KCNK2: variants seen among roughly 807,000 people sequenced by gnomAD.
The protein encoded by KCNK2 is potassium channel subfamily K member 2.
In KCNK2, 21 loss-of-function variants were observed where a neutral mutation model predicts 40.5. The observed-to-expected ratio is 0.52, with a 90% confidence interval of 0.37 to 0.75. The LOEUF (loss-of-function observed/expected upper bound fraction) is 0.75. KCNK2 is among the 30% of genes least tolerant of loss of function. The pLI is 0.00. For missense variants in KCNK2, 399 were observed against 531.6 expected (o/e 0.75, Z 2.45); for synonymous variants, 191 against 202.2 (o/e 0.94, Z 0.47).
intron 3 of KCNK2, among the ~76,000 whole-genome samples, chr1:215,149,655 G>T (rs896847884): frequency 6.6e-6 from 1 of 152,264 alleles, no homozygotes; most frequent in Admixed American, 6.5e-5. Flanking sequence ...TATTTTTAAA[G>T]GAAGCATGCT....
chr1:215,156,787 G>C (rs529224599), intron 3 of KCNK2, among the ~76,000 whole-genome samples: 11 of 152,174 alleles, frequency 7.2e-5, no homozygotes, highest in African/African-American at 2.6e-4. Flanking sequence ...TAGAGAAAGG[G>C]GCAAGTGCAA....
chr1:215,184,041 G>A (rs887837572), intron 5 of KCNK2, among the ~76,000 whole-genome samples: 1 of 152,174 alleles, frequency 6.6e-6, no homozygotes, highest in African/African-American at 2.4e-5. Flanking sequence ...TAGATGTACA[G>A]AGGACATCTA....
intron 5 of KCNK2, among the ~76,000 whole-genome samples, chr1:215,180,072 A>G (rs1004639014): frequency 6.6e-6 from 1 of 152,102 alleles, no homozygotes; most frequent in Non-Finnish European, 1.5e-5. Flanking sequence ...TAGGATAGTT[A>G]AGTCTTCTTG....
chr1:215,007,765 A>C (rs915400851), intron 1 of KCNK2, among the ~76,000 whole-genome samples: 3 of 152,126 alleles, frequency 2.0e-5, no homozygotes, highest in African/African-American at 4.8e-5. Context: ...AAGGTAAACT[A>C]CTTTTGTATA....
At chr1:215,084,951 T>C (rs1390854646) in intron 1 of KCNK2, among the ~76,000 whole-genome samples, 1 of 152,248 alleles carries the variant, frequency 6.6e-6, no homozygotes, top group Non-Finnish European at 1.5e-5. Flanking sequence ...ATATCTTTGT[T>C]TGCAAAGCTT....
At chr1:215,086,138 C>T (rs987641331) in intron 1 of KCNK2, among the ~76,000 whole-genome samples, 45 of 152,056 alleles carry the variant, frequency 3.0e-4, no homozygotes, top group African/African-American at 1.0e-3. Context: ...AGTTTTTTTC[C>T]TCTCATTTTG....
At chr1:215,134,706 A>T (rs990762679) in intron 3 of KCNK2, among the ~76,000 whole-genome samples, 2 of 152,046 alleles carry the variant, frequency 1.3e-5, no homozygotes, top group African/African-American at 4.8e-5. Context: ...CCAGGAACCC[A>T]GTAAGAATCA....
chr1:215,153,682 T>G (rs890665196), intron 3 of KCNK2, among the ~76,000 whole-genome samples: 3 of 152,094 alleles, frequency 2.0e-5, no homozygotes, highest in African/African-American at 7.2e-5. Context: ...GTTCGTTACA[T>G]AGGTATACGT....
At chr1:215,100,892 G>A (rs1660179529) in intron 2 of KCNK2, among the ~76,000 whole-genome samples, 1 of 151,998 alleles carries the variant, frequency 6.6e-6, no homozygotes, top group Admixed American at 6.6e-5. Context: ...TTGCAGTATA[G>A]TTTTGTGAAC....
intron 6 of KCNK2, among the ~76,000 whole-genome samples, chr1:215,234,432 A>G (rs927844135): frequency 2.6e-5 from 4 of 152,194 alleles, no homozygotes; most frequent in African/African-American, 9.7e-5. Flanking sequence ...ACTATATCTT[A>G]CTGCCCTTTG....
chr1:215,070,195 G>A (rs1352525585), intron 1 of KCNK2, among the ~76,000 whole-genome samples: 1 of 151,920 alleles, frequency 6.6e-6, no homozygotes, highest in Non-Finnish European at 1.5e-5. Context: ...CGGATCACAA[G>A]GTCAGCAGAT....
At chr1:215,129,513 G>C (rs1661574937) in intron 3 of KCNK2, among the ~76,000 whole-genome samples, 1 of 152,154 alleles carries the variant, frequency 6.6e-6, no homozygotes, top group Non-Finnish European at 1.5e-5. Flanking sequence ...TAAAGAGGCT[G>C]ATTCAAGAAC....
chr1:215,083,671 G>T, intron 1 of KCNK2: 1 of 592,280 alleles, frequency 1.7e-6, no homozygotes. Context: ...TGAGGTATGG[G>T]TTTGGAACAC....
At chr1:215,157,340 C>T (rs1214595887) in intron 3 of KCNK2, among the ~76,000 whole-genome samples, 1 of 152,084 alleles carries the variant, frequency 6.6e-6, no homozygotes, top group Non-Finnish European at 1.5e-5. Flanking sequence ...ATGATTAGAG[C>T]CCCCCAAACA....
Position 215,090,615 on chromosome 1 carries a change from T to G in KCNK2, c.357+3937T>G, listed in dbSNP as rs373717917. ...GTAGAGGATGGTCACATTAGACATA[T>G]CTGGTCTTCATTTATTTCTGTGTTA... On this transcript the variant is annotated intron_variant, in intron 2 of 6. Transcript: ENST00000444842. Among the ~76,000 whole-genome samples the G allele has an allele frequency of 6.1e-4, 93 of 152,322 alleles. 1 individual carries two copies. In the South Asian group the frequency reaches 0.019, roughly 31 times the overall value.
At chr1:215,082,192 C>A (rs1412045936), upstream of KCNK2, 2 of 152,374 alleles carry the variant, frequency 1.3e-5, no homozygotes, top group African/African-American at 4.8e-5. Context: ...ATTATAGCGC[C>A]CAGCTCATGT....
intron 2 of KCNK2, among the ~76,000 whole-genome samples, chr1:215,098,307 G>A (rs1394940574): frequency 1.3e-5 from 2 of 151,590 alleles, no homozygotes; most frequent in Non-Finnish European, 2.9e-5. Context: ...AGTGATATTG[G>A]CATTGTTTAA....
At chr1:215,097,680 G>T (rs1268950016) in intron 2 of KCNK2, among the ~76,000 whole-genome samples, 1 of 151,904 alleles carries the variant, frequency 6.6e-6, no homozygotes, top group Non-Finnish European at 1.5e-5. Context: ...ATGATATTTG[G>T]TTGGGATTGT....
intron 1 of KCNK2, among the ~76,000 whole-genome samples, chr1:215,036,867 G>A (rs1247790328): frequency 1.3e-5 from 2 of 151,720 alleles, no homozygotes; most frequent in Admixed American, 1.3e-4. Flanking sequence ...TATGTTTTGA[G>A]CTTGTATCCT....
Sources: gnomAD v4.1 joint callset for allele counts (sites outside exome capture counted in the v4.1 genomes callset) on GRCh38, gnomAD v4.1.1 for gene constraint, MANE v1.5 for transcripts, NCBI Gene and HGNC (gene_info 2026-07-23, HGNC 2026-07-21) for gene names.